The following LPIN3 variants were observed in gnomAD, a reference collection of about 807,000 sequenced individuals.
The protein encoded by LPIN3 is phosphatidate phosphatase LPIN3.
Under a neutral mutation model 94.7 loss-of-function variants are expected in LPIN3, and 82 were observed. That is an observed-to-expected ratio of 0.87 (90% CI 0.72 to 1.04). The LOEUF (loss-of-function observed/expected upper bound fraction) is 1.04, where lower values mean the gene tolerates loss of function less well. Among genes scored for constraint, LPIN3 ranks in the 50% least tolerant of loss-of-function variants. The probability of loss-of-function intolerance (pLI) is 0.00; values close to 1 mark genes in which losing one functional copy is unlikely to be tolerated. For synonymous variants in LPIN3, 418 were observed against 443.3 expected, an observed-to-expected ratio of 0.94 and a Z score of 0.72; for missense variants, 996 against 1,090.5, an observed-to-expected ratio of 0.91 and a Z score of 1.22.
Position 41,345,940 on chromosome 20 carries a change from C to T in LPIN3, c.137C>T (p.Ser46Leu), listed in dbSNP as rs142640782. Residue 46 changes from serine (S) to leucine (L), a missense_variant, in exon 2 of 20, where the codon TCA (serine) becomes TTA (leucine). By Grantham distance (145) the Ser-to-Leu change is moderately radical (BLOSUM62 -2). Coordinates refer to ENST00000373257, the MANE Select transcript of LPIN3 (RefSeq NM_022896.3). ...CAGGTGGACGGCTCGTTCCGGTGCT[C>T]ACCCTTCCACGTGCGTTTTGGCAAG... Reference protein sequence around the residue: ...VKQVDGSFRCSPFHVRFGKLG... With the variant: ...VKQVDGSFRCLPFHVRFGKLG... 21 of 1,614,018 alleles carry T rather than the reference C, an allele frequency of 1.3e-5. No homozygotes were observed. Among genetic ancestry groups the T allele is most frequent in the Non-Finnish European group, 1.7e-5 (20 of 1,180,036 alleles).
At chr20:41,343,484 A>G (rs1363620356) in intron 1 of LPIN3, among the ~76,000 whole-genome samples, 1 of 152,226 alleles carries the variant, frequency 6.6e-6, no homozygotes, top group Non-Finnish European at 1.5e-5. Flanking sequence ...ACTTGATTTG[A>G]GTGACATCTT....
At position 41,358,064 on chromosome 20, in the gene LPIN3, G is replaced by C. The variant is rs770743556; in HGVS notation, c.2192+30G>C. ...CCACCCCTACACATACAAGCCCGTG[G>C]CCCCCTGGTGGGGAAAGGCAGGCCC... On this transcript the variant is annotated intron_variant, in intron 17 of 19. Transcript: ENST00000373257. 5.1e-6 allele frequency: 8 copies of C among 1,573,128 alleles called. No homozygotes were observed. In the East Asian group the frequency reaches 1.8e-4, roughly 35 times the overall value.
chr20:41,354,857 A>T lies in LPIN3; in HGVS notation c.1658A>T (p.Gln553Leu), dbSNP rs780481241. Residue 553 changes from glutamine (Q) to leucine (L), a missense_variant, in exon 13 of 20, where the codon CAG becomes CTG. Gln to Leu is a moderately radical substitution (Grantham distance 113, BLOSUM62 -2). Coordinates refer to ENST00000373257, the MANE Select transcript of LPIN3 (RefSeq NM_022896.3). ...AQKEKTAAKE[Q>L]QGEKTEVLSS... Reference sequence around the variant, plus strand: ...AAGGAGAAGACTGCAGCCAAGGAGCAGCAGGGGTGAGTGAGACCCCCTATT... The same window carrying T: ...AAGGAGAAGACTGCAGCCAAGGAGCTGCAGGGGTGAGTGAGACCCCCTATT... The T allele has an allele frequency of 5.8e-6, 9 of 1,564,212 alleles. No individual in the cohort carries two copies. The African/African-American group carries it at 1.2e-4, about 21-fold the overall frequency.
rs748399491 is a variant in LPIN3 at position 41,345,785 on chromosome 20, T to G, written c.-8-11T>G. The G allele has an allele frequency of 3.1e-6, 5 of 1,600,552 alleles. No homozygotes were observed. The highest frequency in any genetic ancestry group is 4.3e-6 in the Non-Finnish European group (5 of 1,170,266). On this transcript the variant is annotated splice_polypyrimidine_tract_variant and intron_variant, in intron 1 of 19. Transcript: ENST00000373257. ...CAGACCTTTGTGCAAGCCACTGCCTTTCTTTGCCAGCACCAGCCATGAACT... is the reference window on the plus strand; with the variant it reads ...CAGACCTTTGTGCAAGCCACTGCCTGTCTTTGCCAGCACCAGCCATGAACT...
rs140359632 is a variant in LPIN3 at position 41,354,711 on chromosome 20, C to A, written c.1594C>A (p.Arg532=). ...RKGGRWWFSW[R]RRDFLAEERS... is the part of the protein sequence containing the mutation. The stretch of plus-strand genomic sequence containing the variant: ...GGGTGGGCGATGGTGGTTTTCCTGG[C>A]GACGCAGGGACTTCCTGGCCGAGGA... Residue 532 remains arginine (R), a synonymous_variant, in exon 12 of 20, where the codon CGA becomes AGA. Transcript: ENST00000373257. The A allele has an allele frequency of 1.9e-6, 3 of 1,606,858 alleles. No homozygotes were observed. The highest frequency in any genetic ancestry group is 2.2e-5 in the East Asian group (1 of 44,702).
chr20:41,342,519 G>A (rs2146898943), intron 1 of LPIN3, among the ~76,000 whole-genome samples: 1 of 152,270 alleles, frequency 6.6e-6, no homozygotes, highest in Admixed American at 6.5e-5. Flanking sequence ...TGGGTGGAGG[G>A]TGATAGAGGG....
intron 5 of LPIN3, among the ~76,000 whole-genome samples, chr20:41,349,542 CCTT>C (rs2045923368): frequency 1.3e-5 from 2 of 151,466 alleles, no homozygotes; most frequent in Admixed American, 1.3e-4. Flanking sequence ...TCCTTCCCTT[CCTT>C]CCTTCCTTCC....
Position 41,358,427 on chromosome 20 carries a change from T to G in LPIN3, c.2308-12T>G. Reference sequence around the variant, plus strand: ...AGGCCTCCATTCCATGGGCCCCTCCTGTCTCCCACAGGATGTCTTTGCCTA... The same window carrying G: ...AGGCCTCCATTCCATGGGCCCCTCCGGTCTCCCACAGGATGTCTTTGCCTA... On this transcript the variant is annotated splice_polypyrimidine_tract_variant and intron_variant, in intron 18 of 19. Transcript: ENST00000373257. 6.2e-7 allele frequency: 1 copy of G among 1,614,042 alleles called. No homozygotes were observed.
intron 5 of LPIN3, among the ~76,000 whole-genome samples, chr20:41,349,497 C>T (rs902597154): frequency 2.6e-5 from 4 of 152,196 alleles, no homozygotes; most frequent in Non-Finnish European, 4.4e-5. Flanking sequence ...ATTAGGCAAT[C>T]CAGCTACAAC....
At position 41,348,875 on chromosome 20, in the gene LPIN3, C is replaced by T. The variant is rs1276617816; in HGVS notation, c.545C>T (p.Pro182Leu). ...CTATCCCTGCCGGAAAAGCTGAGGC[C>T]AGAGCCCCCAGGGTGTGTAAGGACC... ...SELSLPEKLR[P>L]EPPGVQLEEK... Residue 182 changes from proline to leucine, a missense_variant, in exon 4 of 20, where the codon CCA becomes CTA. Transcript: ENST00000373257. The T allele has an allele frequency of 6.2e-7, 1 of 1,604,362 alleles. No homozygotes were observed. The highest frequency in any genetic ancestry group is 8.5e-7 in the Non-Finnish European group (1 of 1,175,296).
chr20:41,350,139 A>C lies in LPIN3; in HGVS notation c.844A>C (p.Thr282Pro), dbSNP rs376040914. 2.8e-5 allele frequency: 45 copies of C among 1,612,756 alleles called. No individual in the cohort carries two copies. The highest frequency in any genetic ancestry group is 3.7e-5 in the Non-Finnish European group (44 of 1,179,704). ...ATSPPRGGPS[T>P]PSTSVAGGVD... ...CTCTCCTCCTCGGGGAGGACCCAGC[A>C]CTCCCTCTACCTCTGTGGCTGGCGG... Residue 282 changes from threonine to proline, a missense_variant, in exon 7 of 20, where the codon ACT (threonine) becomes CCT (proline). Transcript: ENST00000373257.
chr20:41,348,937 G>A (rs1208475991), intron 4 of LPIN3, 50 bp downstream of exon 4: 1 of 1,587,632 alleles, frequency 6.3e-7, no homozygotes, highest in South Asian at 1.1e-5. Flanking sequence ...TTCAAGTGCT[G>A]TTTCCTCTGC....
chr20:41,351,999 AG>A (rs2046034227), intron 8 of LPIN3, 60 bp from the exon 9 acceptor site: 1 of 1,612,598 alleles, frequency 6.2e-7, no homozygotes, highest in African/African-American at 1.3e-5. Flanking sequence ...GCCTGTGAGG[AG>A]GGAGGACCCA....
At chr20:41,352,328 T>C (rs2046051068) in intron 9 of LPIN3, 108 bp downstream of exon 9, 5 of 1,300,570 alleles carry the variant, frequency 3.8e-6, no homozygotes, top group Middle Eastern at 1.9e-4. Context: ...GAGGCTGGGC[T>C]TCCCTGCAGC....
intron 17 of LPIN3, 52 bp from the exon 18 acceptor site, chr20:41,358,184 TG>T: frequency 1.3e-6 from 2 of 1,596,614 alleles, no homozygotes; most frequent in Non-Finnish European, 1.7e-6. Context: ...CCATCCCCTC[TG>T]GCTTCTTCCC....
Position 41,357,874 on chromosome 20 carries a change from A to T in LPIN3, c.2040-8A>T. 1 of 1,613,776 alleles carries T rather than the reference A, an allele frequency of 6.2e-7. No homozygotes were observed. The highest frequency in any genetic ancestry group is 8.5e-7 in the Non-Finnish European group (1 of 1,179,914). ...ATGGCTCTATGCCACCCTGTCCCCC[A>T]CTCTCAGAAATGGGTACAAGTTCCT... is the stretch of plus-strand genomic sequence containing the variant. On this transcript the variant is annotated splice_region_variant and splice_polypyrimidine_tract_variant and intron_variant, in intron 16 of 19. Transcript: ENST00000373257.
chr20:41,353,668 A>G (rs1371792090), intron 11 of LPIN3, among the ~76,000 whole-genome samples: 1 of 152,160 alleles, frequency 6.6e-6, no homozygotes, highest in South Asian at 2.1e-4. Flanking sequence ...TCCCCTACTC[A>G]TGGAGGATGG....
At position 41,358,981 on chromosome 20, in the gene LPIN3, G is replaced by A. The variant is rs1177306621; in HGVS notation, c.*115G>A. 1 of 1,348,298 alleles carries A rather than the reference G, an allele frequency of 7.4e-7. No homozygotes were observed. Among genetic ancestry groups the A allele is most frequent in the Non-Finnish European group, 1.0e-6 (1 of 989,660 alleles). 83.5% of individuals were successfully genotyped at this position (1,348,298 alleles called of 1,614,324 possible). A position where few individuals can be genotyped will look rare whatever the true frequency, so the allele number is the denominator to read the frequency against. On this transcript the variant is annotated 3_prime_UTR_variant, in exon 20 of 20. Coordinates refer to ENST00000373257, the MANE Select transcript of LPIN3 (RefSeq NM_022896.3). ...GGGCAAACCCACTGAAGGGGAAGGA[G>A]GAGGCTGCAGGTTGGTTGGCAGCTA...
Position 41,358,884 on chromosome 20 carries a change from C to T in LPIN3, c.*18C>T, listed in dbSNP as rs760217871. 5 of 1,613,314 alleles carry T rather than the reference C, an allele frequency of 3.1e-6. No homozygotes were observed. The African/African-American group carries it at 5.3e-5, about 17-fold the overall frequency. On this transcript the variant is annotated 3_prime_UTR_variant, in exon 20 of 20. Transcript: ENST00000373257. ...TGGACTGAACCTGCCCTGGCTGGCTCCTCCTCCCTGGCCCGGCCCAGGACT... is the reference window on the plus strand; with the variant it reads ...TGGACTGAACCTGCCCTGGCTGGCTTCTCCTCCCTGGCCCGGCCCAGGACT...
Sources: gnomAD v4.1 joint callset for allele counts (sites outside exome capture counted in the v4.1 genomes callset) on GRCh38, gnomAD v4.1.1 for gene constraint, MANE v1.5 for transcripts, NCBI Gene and HGNC (gene_info 2026-07-23, HGNC 2026-07-21) for gene names.